The following ULK4 variants were observed in gnomAD, a reference collection of about 807,000 sequenced individuals.
The protein encoded by ULK4 is inactive serine/threonine-protein kinase ULK4.
In ULK4, 133 loss-of-function variants were observed where a neutral mutation model predicts 160.6. The observed-to-expected ratio is 0.83, with a 90% CI of 0.72 to 0.96. The LOEUF (loss-of-function observed/expected upper bound fraction) is 0.96, where lower values mean the gene tolerates loss of function less well. Among genes scored for constraint, ULK4 ranks in the 40% least tolerant of loss-of-function variants. The pLI, the probability that ULK4 is intolerant of heterozygous loss-of-function variation, is 0.00. For missense variants in ULK4, 1,580 were observed against 1,499.5 expected (o/e 1.05, Z -0.89); for synonymous variants, 534 against 539.8 (o/e 0.99, Z 0.15).
At position 41,599,096 on chromosome 3, in the gene ULK4, C is replaced by G. The variant is rs146735754; in HGVS notation, c.3120+16573G>C. 2.0e-4 allele frequency among the ~76,000 whole-genome samples: 30 copies of G among 152,356 alleles called. 1 individual carries two copies. The East Asian group carries it at 5.6e-3, about 28-fold the overall frequency. ...GTGCATCATGTCACTCTGACACTTC[C>G]TTTTTCTACCTCCTTCTTCCACATC... On this transcript the variant is annotated intron_variant, in intron 31 of 36. Coordinates refer to ENST00000301831, the MANE Select transcript of ULK4 (RefSeq NM_017886.4).
intron 35 of ULK4, among the ~76,000 whole-genome samples, chr3:41,361,050 G>A (rs910427579): frequency 1.3e-5 from 2 of 152,134 alleles, no homozygotes; most frequent in African/African-American, 4.8e-5. Flanking sequence ...GAGAGAAAGG[G>A]GAGATCTGCT....
At chr3:41,688,266 T>C (rs2036164325) in intron 27 of ULK4, among the ~76,000 whole-genome samples, 1 of 151,478 alleles carries the variant, frequency 6.6e-6, no homozygotes, top group South Asian at 2.1e-4. Flanking sequence ...TTCTCAAAGA[T>C]GGTATAGCCA....
intron 21 of ULK4, among the ~76,000 whole-genome samples, chr3:41,784,414 T>A (rs530612210): frequency 6.6e-6 from 1 of 152,122 alleles, no homozygotes; most frequent in African/African-American, 2.4e-5. Context: ...AGCCTGGAAA[T>A]CAAGCAAAAC....
intron 30 of ULK4, among the ~76,000 whole-genome samples, chr3:41,648,556 A>G (rs1006273605): frequency 3.3e-5 from 5 of 152,218 alleles, no homozygotes; most frequent in Admixed American, 1.3e-4. Flanking sequence ...GATAGACCTC[A>G]TCAATTGCAA....
chr3:41,604,040 T>A (rs2032249768), intron 31 of ULK4, among the ~76,000 whole-genome samples: 1 of 151,906 alleles, frequency 6.6e-6, no homozygotes, highest in South Asian at 2.1e-4. Context: ...CTACTTTAGA[T>A]GAAATAGAGA....
intron 35 of ULK4, among the ~76,000 whole-genome samples, chr3:41,306,126 G>T (rs1339641573): frequency 2.4e-5 from 2 of 83,478 alleles, no homozygotes; most frequent in Non-Finnish European, 2.4e-5. Flanking sequence ...CCGGGAGGGA[G>T]GTGGGGGGGG....
chr3:41,832,299 G>A (rs1005486264), intron 18 of ULK4, among the ~76,000 whole-genome samples: 3 of 152,180 alleles, frequency 2.0e-5, no homozygotes, highest in Non-Finnish European at 2.9e-5. Flanking sequence ...CAGTGATAAT[G>A]AGCTTTTTTT....
At chr3:41,953,302 ATATTT>A (rs1338069435) in intron 2 of ULK4, among the ~76,000 whole-genome samples, 8 of 108,018 alleles carry the variant, frequency 7.4e-5, no homozygotes, top group African/African-American at 2.8e-4. Context: ...ATATATATAT[ATATTT>A]TTTTTTTTTT....
intron 32 of ULK4, among the ~76,000 whole-genome samples, chr3:41,520,388 C>G (rs2085893229): frequency 6.6e-6 from 1 of 152,182 alleles, no homozygotes; most frequent in African/African-American, 2.4e-5. Context: ...TTCTATCTCA[C>G]TTTAATTCCT....
intron 35 of ULK4, among the ~76,000 whole-genome samples, chr3:41,253,506 C>T (rs1229635439): frequency 6.7e-6 from 1 of 149,544 alleles, no homozygotes; most frequent in Non-Finnish European, 1.5e-5. Context: ...AAAAATTATA[C>T]AAAGAGATGT....
intron 35 of ULK4, among the ~76,000 whole-genome samples, chr3:41,376,355 A>G (rs2081494251): frequency 6.7e-6 from 1 of 150,260 alleles, no homozygotes; most frequent in South Asian, 2.2e-4. Context: ...TCACAATAGC[A>G]AAGACCTGGA....
chr3:41,590,066 G>A (rs976388429), intron 31 of ULK4, among the ~76,000 whole-genome samples: 5 of 151,734 alleles, frequency 3.3e-5, no homozygotes, highest in South Asian at 2.1e-4. Context: ...ACAGTGGCGC[G>A]ATCTCGGCTC....
chr3:41,527,280 A>G (rs981075647), intron 32 of ULK4, among the ~76,000 whole-genome samples: 1 of 152,254 alleles, frequency 6.6e-6, no homozygotes, highest in African/African-American at 2.4e-5. Flanking sequence ...AGAGCTGCCC[A>G]AGTACAAAGC....
At chr3:41,436,784 T>C (rs1455294710) in intron 34 of ULK4, among the ~76,000 whole-genome samples, 1 of 152,102 alleles carries the variant, frequency 6.6e-6, no homozygotes, top group African/African-American at 2.4e-5. Context: ...GGCCCCCATG[T>C]CCTCTGCAGC....
intron 32 of ULK4, among the ~76,000 whole-genome samples, chr3:41,478,628 T>C (rs1199484595): frequency 6.6e-6 from 1 of 152,218 alleles, no homozygotes; most frequent in Non-Finnish European, 1.5e-5. Flanking sequence ...GTTACATACT[T>C]GAGAGTGAAA....
intron 34 of ULK4, among the ~76,000 whole-genome samples, chr3:41,402,363 C>A (rs944642346): frequency 6.6e-6 from 1 of 152,144 alleles, no homozygotes; most frequent in African/African-American, 2.4e-5. Flanking sequence ...CCATACCCTA[C>A]ACTACACTAG....
intron 30 of ULK4, among the ~76,000 whole-genome samples, chr3:41,651,604 A>G (rs772800577): frequency 2.6e-5 from 4 of 152,226 alleles, no homozygotes; most frequent in African/African-American, 9.6e-5. Context: ...AAAAATGCCA[A>G]CCTGATTCTG....
chr3:41,822,741 T>TTTTTTTC (rs2041187567), intron 18 of ULK4, among the ~76,000 whole-genome samples: 1 of 146,198 alleles, frequency 6.8e-6, no homozygotes, highest in Non-Finnish European at 1.5e-5. Context: ...TTTTTTTTTT[T>TTTTTTTC]GAGACAGTCT....
At chr3:41,902,767 G>A (rs1195355112) in intron 12 of ULK4, among the ~76,000 whole-genome samples, 2 of 151,970 alleles carry the variant, frequency 1.3e-5, no homozygotes, top group African/African-American at 4.8e-5. Context: ...AAAAGACAGG[G>A]GCAAACTTAA....
Sources: allele counts gnomAD v4.1 joint callset (sites outside exome capture counted in the v4.1 genomes callset), GRCh38; gene constraint gnomAD v4.1.1; transcripts MANE v1.5; gene names NCBI Gene and HGNC (gene_info 2026-07-23, HGNC 2026-07-21).